TIMM23: variants seen among roughly 807,000 people sequenced by gnomAD.
TIMM23 encodes the protein translocase of inner mitochondrial membrane 23, also known as mitochondrial import inner membrane translocase subunit Tim23.
A neutral mutation model predicts 30.7 loss-of-function variants in TIMM23; 19 were observed. The ratio of observed to expected loss-of-function variants is 0.62; its 90% CI spans 0.43 to 0.91. The LOEUF is 0.91. Among genes scored for constraint, TIMM23 ranks in the 40% least tolerant of loss-of-function variants. TIMM23 has a pLI of 0.00. For synonymous variants in TIMM23, 78 were observed against 98.5 expected (o/e 0.79, Z 1.23); for missense variants, 202 against 269.2 (o/e 0.75, Z 1.75).
At chr10:45,985,893 A>G (rs1837975565) in intron 5 of TIMM23, among the ~76,000 whole-genome samples, 2 of 152,238 alleles carry the variant, frequency 1.3e-5, no homozygotes, top group African/African-American at 4.8e-5. Flanking sequence ...AATTGCCACA[A>G]TTGGAATAGG....
intron 4 of TIMM23, among the ~76,000 whole-genome samples, chr10:45,983,918 A>G (rs1485998956): frequency 2.6e-5 from 4 of 151,962 alleles, no homozygotes; most frequent in African/African-American, 9.7e-5. Flanking sequence ...TAATTTTTTA[A>G]TTTTTTGTAG....
intron 6 of TIMM23, among the ~76,000 whole-genome samples, chr10:46,002,855 A>G (rs888552312): frequency 8.7e-6 from 1 of 114,902 alleles, no homozygotes; most frequent in Admixed American, 1.2e-4. Context: ...CACTTGTCTC[A>G]TCCTGTCGCC....
At chr10:45,999,064 C>G (rs868956243) in intron 6 of TIMM23, among the ~76,000 whole-genome samples, 5,345 of 152,208 alleles carry the variant, frequency 0.035, 325 homozygotes, top group African/African-American at 0.12. Flanking sequence ...AACTCCTGAC[C>G]TCAAGTGATT....
chr10:46,002,590 G>C, intron 6 of TIMM23: 1 of 696,804 alleles, frequency 1.4e-6, no homozygotes, highest in Non-Finnish European at 1.8e-6. Flanking sequence ...GACAGTGCTA[G>C]TGGAGTTCTA....
At chr10:45,979,195 A>G (rs1414996359) in intron 2 of TIMM23, among the ~76,000 whole-genome samples, 31 of 152,336 alleles carry the variant, frequency 2.0e-4, no homozygotes, top group Admixed American at 9.8e-4. Context: ...TTTAAAATTT[A>G]TTGTAGTCTT....
chr10:45,989,939 G>A, intron 6 of TIMM23, among the ~76,000 whole-genome samples: 1 of 152,050 alleles, frequency 6.6e-6, no homozygotes. Flanking sequence ...CCACATACGT[G>A]ATTTTTTAAG....
Position 45,988,744 on chromosome 10 carries a change from C to G in TIMM23, c.411C>G (p.Leu137=), listed in dbSNP as rs1455709470. 6 of 1,613,682 alleles carry G rather than the reference C, an allele frequency of 3.7e-6. No homozygotes were observed. The highest frequency in any genetic ancestry group is 1.7e-5 in the Admixed American group (1 of 59,994). ...CTTCCATTTCCTCTTTAGCTTTGCT[C>G]TATAGTGCATTTGGTGTCATCATTG... ...WANTLGSLAL[L]YSAFGVIIEK... Residue 137 remains leucine (L), a synonymous_variant, in exon 6 of 7, where the codon CTC becomes CTG. Transcript: ENST00000580018.
chr10:45,982,317 C>G (rs1837874364), intron 2 of TIMM23, among the ~76,000 whole-genome samples: 2 of 152,190 alleles, frequency 1.3e-5, no homozygotes, highest in Non-Finnish European at 2.9e-5. Flanking sequence ...TAATGAGACT[C>G]CCTTCTAAGA....
At chr10:45,984,172 A>G (rs1323721737) in intron 4 of TIMM23, among the ~76,000 whole-genome samples, 2 of 152,316 alleles carry the variant, frequency 1.3e-5, no homozygotes, top group East Asian at 3.9e-4. Context: ...ATTATGGGGA[A>G]TTTTGAATAT....
chr10:45,988,334 T>TA (rs1194373627), intron 5 of TIMM23, among the ~76,000 whole-genome samples: 1 of 152,258 alleles, frequency 6.6e-6, no homozygotes, highest in East Asian at 1.9e-4. Context: ...ATGGGGGTCT[T>TA]ACAGCCTGCA....
chr10:45,988,377 G>A (rs1838059763), intron 5 of TIMM23, among the ~76,000 whole-genome samples: 1 of 152,066 alleles, frequency 6.6e-6, no homozygotes, highest in Non-Finnish European at 1.5e-5. Context: ...ATTTCTTTAT[G>A]GCCAGTTCCA....
chr10:45,987,888 C>CTGGGAT, intron 5 of TIMM23, among the ~76,000 whole-genome samples: 1 of 152,022 alleles, frequency 6.6e-6, no homozygotes, highest in African/African-American at 2.4e-5. Context: ...TCCCAAAGTG[C>CTGGGAT]TGGGATTACA....
chr10:45,994,146 C>T (rs1194664425), intron 6 of TIMM23, among the ~76,000 whole-genome samples: 1 of 152,084 alleles, frequency 6.6e-6, no homozygotes. Flanking sequence ...TCAAGACCAG[C>T]CTGGCCAACA....
At position 46,003,192 on chromosome 10, in the gene TIMM23, C is replaced by G. The variant is rs782761789; in HGVS notation, c.515-11C>G. ...CAGCTATTTCATTTTCCTTTTGTCTCTGTTTCCCAGGTGGTCTTCGAGGGA... is the reference window on the plus strand; with the variant it reads ...CAGCTATTTCATTTTCCTTTTGTCTGTGTTTCCCAGGTGGTCTTCGAGGGA... On this transcript the variant is annotated splice_polypyrimidine_tract_variant and intron_variant, in intron 6 of 6. Transcript: ENST00000580018. 13 of 1,606,446 alleles carry G rather than the reference C, an allele frequency of 8.1e-6. No individual in the cohort carries two copies. Among genetic ancestry groups the G allele is most frequent in the Non-Finnish European group, 1.1e-5 (13 of 1,173,344 alleles).
chr10:45,988,183 CTG>C lies in TIMM23; in HGVS notation c.404-551_404-550del, dbSNP rs1269158826. On this transcript the variant is annotated intron_variant, in intron 5 of 6. Coordinates refer to ENST00000580018, the MANE Select transcript of TIMM23 (RefSeq NM_006327.4). ...CTGAAGCATGGACAACCTTATAGAA[CTG>C]TGATTGGACAAAAAGGGCATGCTCT... Among the ~76,000 whole-genome samples, 3 of 152,266 alleles carry C rather than the reference CTG, an allele frequency of 2.0e-5. No homozygotes were observed. The East Asian group carries it at 5.8e-4, about 29-fold the overall frequency.
chr10:45,980,542 A>G (rs1837810732), intron 2 of TIMM23, among the ~76,000 whole-genome samples: 1 of 152,312 alleles, frequency 6.6e-6, no homozygotes, highest in Non-Finnish European at 1.5e-5. Flanking sequence ...TGGTACAAAA[A>G]TAAGGAAAAT....
intron 5 of TIMM23, among the ~76,000 whole-genome samples, chr10:45,987,979 C>T (rs1309161791): frequency 2.7e-4 from 41 of 152,054 alleles, no homozygotes; most frequent in Non-Finnish European, 6.0e-4. Context: ...TAAGGTGAGG[C>T]CTGGATGGGC....
intron 2 of TIMM23, among the ~76,000 whole-genome samples, chr10:45,975,857 A>T (rs1554912992): frequency 6.6e-6 from 1 of 152,148 alleles, no homozygotes. Flanking sequence ...GCTGGAGTGC[A>T]GTAGCGCGAT....
chr10:45,996,851 A>C lies in TIMM23; in HGVS notation c.515-6352A>C, dbSNP rs879167281. ...TTGGTGGTGGGCACCTGTAGTCCCA[A>C]TTACTGGGAAGGCTGAGATGGGAGA... On this transcript the variant is annotated intron_variant, in intron 6 of 6. Coordinates refer to ENST00000580018, the MANE Select transcript of TIMM23 (RefSeq NM_006327.4). Among the ~76,000 whole-genome samples the C allele has an allele frequency of 5.9e-4, 89 of 151,218 alleles. 2 individuals are homozygous for C. The East Asian group carries it at 8.8e-3, about 15-fold the overall frequency.
Sources: gnomAD v4.1 joint callset for allele counts (sites outside exome capture counted in the v4.1 genomes callset) on GRCh38, gnomAD v4.1.1 for gene constraint, MANE v1.5 for transcripts, NCBI Gene and HGNC (gene_info 2026-07-23, HGNC 2026-07-21) for gene names.